NAALADL2: variants seen among roughly 807,000 people sequenced by gnomAD.
The protein encoded by NAALADL2 is inactive N-acetylated-alpha-linked acidic dipeptidase-like protein 2.
A neutral mutation model predicts 87.2 loss-of-function variants in NAALADL2; 76 were observed. The ratio of observed to expected loss-of-function variants is 0.87; its 90% CI spans 0.72 to 1.05. The LOEUF (loss-of-function observed/expected upper bound fraction) is 1.05. Among genes scored for constraint, NAALADL2 ranks in the 50% least tolerant of loss-of-function variants. The probability of loss-of-function intolerance (pLI) is 0.00; values close to 1 mark genes in which losing one functional copy is unlikely to be tolerated. For missense variants in NAALADL2, 1,089 were observed against 945.8 expected, an observed-to-expected ratio of 1.15 and a Z score of -1.99; for synonymous variants, 354 against 331.0, an observed-to-expected ratio of 1.07 and a Z score of -0.75.
At chr3:174,593,573 G>A (rs775765527) in intron 2 of NAALADL2, among the ~76,000 whole-genome samples, 17 of 137,000 alleles carry the variant, frequency 1.2e-4, no homozygotes, top group Non-Finnish European at 2.6e-4. Context: ...AAGGGAGAAA[G>A]CTGATTTTTA....
chr3:175,444,453 C>T (rs1174323958), intron 5 of NAALADL2, among the ~76,000 whole-genome samples: 3 of 152,104 alleles, frequency 2.0e-5, no homozygotes, highest in African/African-American at 7.2e-5. Flanking sequence ...GAGCAGCCTC[C>T]TATGGTCTGA....
intron 6 of NAALADL2, among the ~76,000 whole-genome samples, chr3:175,461,362 G>C (rs150274530): frequency 7.1e-4 from 108 of 152,224 alleles, no homozygotes; most frequent in Middle Eastern, 3.4e-3. Context: ...GTGCTGATTG[G>C]TGCATTTTTA....
intron 3 of NAALADL2, among the ~76,000 whole-genome samples, chr3:174,794,539 G>A (rs1274309009): frequency 6.6e-6 from 1 of 152,044 alleles, no homozygotes; most frequent in African/African-American, 2.4e-5. Context: ...CAGAGTTATT[G>A]GATATTTGCT....
chr3:175,697,911 G>A (rs1738146360), intron 11 of NAALADL2, among the ~76,000 whole-genome samples: 1 of 52,760 alleles, frequency 1.9e-5, no homozygotes. Context: ...ACATATATAT[G>A]TGTATATATG....
intron 2 of NAALADL2, among the ~76,000 whole-genome samples, chr3:175,214,181 A>G (rs926243292): frequency 2.0e-5 from 3 of 152,114 alleles, no homozygotes; most frequent in Non-Finnish European, 2.9e-5. Context: ...TATTATTGTA[A>G]TTTACATGAC....
At chr3:174,855,994 ATATATATATGAG>A (rs1725826052), upstream of NAALADL2, among the ~76,000 whole-genome samples, 2 of 150,590 alleles carry the variant, frequency 1.3e-5, no homozygotes, top group African/African-American at 4.9e-5. Flanking sequence ...ATATATATAT[ATATATATATGAG>A]AGAGAGAAGT....
At chr3:175,083,147 C>G (rs1177419011) in intron 1 of NAALADL2, among the ~76,000 whole-genome samples, 2 of 152,108 alleles carry the variant, frequency 1.3e-5, no homozygotes, top group Non-Finnish European at 2.9e-5. Context: ...ATGGATTTTC[C>G]AGGAACCACC....
chr3:175,598,068 T>G (rs1019892524), intron 10 of NAALADL2, among the ~76,000 whole-genome samples: 3 of 152,018 alleles, frequency 2.0e-5, no homozygotes, highest in African/African-American at 7.2e-5. Context: ...TTCTATGTAA[T>G]GAGGGGCATA....
At chr3:174,876,422 T>C (rs1019757195) in intron 1 of NAALADL2, among the ~76,000 whole-genome samples, 2 of 152,224 alleles carry the variant, frequency 1.3e-5, no homozygotes, top group Non-Finnish European at 2.9e-5. Flanking sequence ...AACCTTCTTA[T>C]AATACTTCTG....
intron 1 of NAALADL2, among the ~76,000 whole-genome samples, chr3:175,036,134 A>G (rs1324014103): frequency 6.6e-6 from 1 of 152,170 alleles, no homozygotes; most frequent in Non-Finnish European, 1.5e-5. Flanking sequence ...AAAATCCTTA[A>G]TTAGAATCAA....
chr3:175,067,417 A>G (rs1332418499), intron 1 of NAALADL2, among the ~76,000 whole-genome samples: 1 of 152,144 alleles, frequency 6.6e-6, no homozygotes, highest in East Asian at 1.9e-4. Context: ...AACAACAGAC[A>G]TTAAAAGGTG....
At chr3:174,699,837 C>CTTTT (rs35197419) in intron 2 of NAALADL2, among the ~76,000 whole-genome samples, 2 of 125,022 alleles carry the variant, frequency 1.6e-5, no homozygotes, top group African/African-American at 6.0e-5. Context: ...TTTTAAGATG[C>CTTTT]TTTTTTTTTT....
At chr3:174,709,220 C>T (rs1391911157) in intron 2 of NAALADL2, among the ~76,000 whole-genome samples, 2 of 152,074 alleles carry the variant, frequency 1.3e-5, no homozygotes, top group Non-Finnish European at 2.9e-5. Context: ...TACAAACTTG[C>T]TGTCCTAAGG....
chr3:175,199,879 T>C (rs1275484743), intron 2 of NAALADL2, among the ~76,000 whole-genome samples: 3 of 91,050 alleles, frequency 3.3e-5, no homozygotes, highest in African/African-American at 1.1e-4. Context: ...TTTTTTTTTT[T>C]TTTTTTTTTT....
intron 11 of NAALADL2, among the ~76,000 whole-genome samples, chr3:175,684,192 C>T (rs1735972361): frequency 6.6e-6 from 1 of 151,280 alleles, no homozygotes; most frequent in Admixed American, 6.6e-5. Context: ...ACAGCAGCAA[C>T]AACAAAAATA....
chr3:175,548,225 A>T (rs1191851995), intron 9 of NAALADL2, among the ~76,000 whole-genome samples: 1 of 152,174 alleles, frequency 6.6e-6, no homozygotes, highest in Non-Finnish European at 1.5e-5. Context: ...GCAGCCATAA[A>T]AAACAATGAT....
chr3:174,667,543 G>A (rs926627342), intron 2 of NAALADL2, among the ~76,000 whole-genome samples: 10 of 49,402 alleles, frequency 2.0e-4, no homozygotes, highest in Non-Finnish European at 3.7e-4. Flanking sequence ...AGATGGGAGA[G>A]AGTTTTTTTT....
chr3:174,858,385 A>G (rs558878400), upstream of NAALADL2, among the ~76,000 whole-genome samples: 1 of 152,158 alleles, frequency 6.6e-6, no homozygotes, highest in East Asian at 1.9e-4. Flanking sequence ...ACAAATGAAT[A>G]TTTAAAGATA....
chr3:174,909,180 G>C (rs551833580), intron 1 of NAALADL2, among the ~76,000 whole-genome samples: 1 of 152,102 alleles, frequency 6.6e-6, no homozygotes, highest in Non-Finnish European at 1.5e-5. Context: ...CCTCACCTGA[G>C]GTCAGGAGTT....
Sources: gnomAD v4.1 joint callset for allele counts (sites outside exome capture counted in the v4.1 genomes callset) on GRCh38, gnomAD v4.1.1 for gene constraint, MANE v1.5 for transcripts, NCBI Gene and HGNC (gene_info 2026-07-23, HGNC 2026-07-21) for gene names.